PAK1: variants seen among roughly 807,000 people sequenced by gnomAD.
PAK1 encodes p21 (RAC1) activated kinase 1.
A neutral mutation model predicts 67.4 loss-of-function variants in PAK1; 29 were observed. That is an observed-to-expected ratio of 0.43 (90% CI 0.32 to 0.59). The LOEUF (loss-of-function observed/expected upper bound fraction) is 0.59. Among genes scored for constraint, PAK1 ranks in the 20% least tolerant of loss-of-function variants. The pLI, the probability that PAK1 is intolerant of heterozygous loss-of-function variation, is 0.07. For synonymous variants in PAK1, 223 were observed against 237.4 expected (o/e 0.94, Z 0.56); for missense variants, 337 against 670.7 (o/e 0.50, Z 5.50).
the PAK1 span, among the ~76,000 whole-genome samples, chr11:77,527,103 T>C: frequency 6.6e-6 from 1 of 152,140 alleles, no homozygotes; most frequent in African/African-American, 2.4e-5. Flanking sequence ...ATTTATTTTT[T>C]ATTTTCTTTA....
intron 1 of PAK1, among the ~76,000 whole-genome samples, chr11:77,423,116 G>T (rs1955358922): frequency 1.3e-5 from 2 of 151,330 alleles, no homozygotes; most frequent in African/African-American, 4.9e-5. Flanking sequence ...GCATACTAGA[G>T]AATCAAGAAA....
At chr11:77,441,132 G>A (rs1256374903) in intron 1 of PAK1, among the ~76,000 whole-genome samples, 1 of 151,858 alleles carries the variant, frequency 6.6e-6, no homozygotes, top group Non-Finnish European at 1.5e-5. Flanking sequence ...TGTTCCTGAA[G>A]AAGCTTCAAT....
intron 4 of PAK1, among the ~76,000 whole-genome samples, chr11:77,376,271 T>A (rs531493648): frequency 1.3e-5 from 2 of 152,130 alleles, no homozygotes; most frequent in Non-Finnish European, 2.9e-5. Context: ...CACAGAATGA[T>A]GGAACAGAAA....
the PAK1 span, chr11:77,529,932 G>A: frequency 5.2e-5 from 8 of 152,440 alleles, no homozygotes; most frequent in South Asian, 1.2e-3. Context: ...AGTTAGGATG[G>A]CTCTGAAGGA....
intron 5 of PAK1, among the ~76,000 whole-genome samples, chr11:77,368,842 G>A (rs1947983856): frequency 6.6e-6 from 1 of 151,948 alleles, no homozygotes; most frequent in African/African-American, 2.4e-5. Flanking sequence ...TATTACAGGC[G>A]TGAGCCACCG....
chr11:77,429,465 T>C (rs944411437), intron 1 of PAK1, among the ~76,000 whole-genome samples: 1 of 152,178 alleles, frequency 6.6e-6, no homozygotes, highest in Non-Finnish European at 1.5e-5. Context: ...GACACCACCT[T>C]AAGCAAGATG....
chr11:77,509,161 G>C, the PAK1 span, among the ~76,000 whole-genome samples: 5 of 151,682 alleles, frequency 3.3e-5, no homozygotes, highest in Non-Finnish European at 7.4e-5. Flanking sequence ...GGGAGGCTGA[G>C]GCAGGAGAAT....
chr11:77,471,652 G>C lies in PAK1; in HGVS notation c.-22+1900C>G, dbSNP rs558293069. Reference sequence around the variant, plus strand: ...AAGTGAGACTGCAAAGGCAGGCAGTGGTCTGATCCCTGAGAGCTTTTTATT... The same window carrying C: ...AAGTGAGACTGCAAAGGCAGGCAGTCGTCTGATCCCTGAGAGCTTTTTATT... On this transcript the variant is annotated intron_variant, in intron 1 of 14. Transcript: ENST00000356341. Among the ~76,000 whole-genome samples the C allele has an allele frequency of 1.1e-4, 17 of 152,264 alleles. 1 individual carries two copies. The South Asian group carries it at 3.5e-3, about 32-fold the overall frequency.
intron 14 of PAK1, among the ~76,000 whole-genome samples, chr11:77,326,689 A>G (rs1297152277): frequency 6.6e-6 from 1 of 152,142 alleles, no homozygotes; most frequent in Non-Finnish European, 1.5e-5. Flanking sequence ...TGTCTCGAAA[A>G]AACAGAGCAG....
At chr11:77,377,175 T>G (rs1027641675) in intron 4 of PAK1, among the ~76,000 whole-genome samples, 1 of 152,040 alleles carries the variant, frequency 6.6e-6, no homozygotes, top group African/African-American at 2.4e-5. Context: ...CTCAGGAGGC[T>G]GAGGCAGGAG....
intron 1 of PAK1, among the ~76,000 whole-genome samples, chr11:77,449,236 A>G (rs113374594): frequency 0.013 from 1,909 of 152,302 alleles, 22 homozygotes; most frequent in Non-Finnish European, 0.014. Context: ...ACACAATTCA[A>G]TTCAACCTCA....
chr11:77,377,056 G>T (rs1949183657), intron 4 of PAK1, among the ~76,000 whole-genome samples: 1 of 152,088 alleles, frequency 6.6e-6, no homozygotes, highest in Non-Finnish European at 1.5e-5. Context: ...AGGTGAGCAG[G>T]TCACTTGAGG....
intron 1 of PAK1, among the ~76,000 whole-genome samples, chr11:77,414,318 T>C (rs547577408): frequency 6.6e-6 from 1 of 152,362 alleles, no homozygotes; most frequent in South Asian, 2.1e-4. Flanking sequence ...AAGGAGGTGA[T>C]GATTTTATGG....
At position 77,474,072 on chromosome 11, in the gene PAK1, C is replaced by T. The variant is rs554910700; in HGVS notation, c.-542G>A. ...GCAGCCGCGGGAGGGCAGCCTCCCC[C>T]GCCCACAGCCGCGCTATTGTACGCC... is the stretch of plus-strand genomic sequence containing the variant. On this transcript the variant is annotated 5_prime_UTR_variant, in exon 1 of 15. Transcript: ENST00000356341. The T allele has an allele frequency of 1.3e-3, 196 of 152,458 alleles. 1 individual carries two copies. The highest frequency in any genetic ancestry group is 2.4e-3 in the Non-Finnish European group (166 of 68,274). 9.4% of individuals were successfully genotyped at this position (152,458 alleles called of 1,614,324 possible).
the PAK1 span, among the ~76,000 whole-genome samples, chr11:77,498,633 C>CA: frequency 2.0e-5 from 3 of 146,788 alleles, no homozygotes; most frequent in Non-Finnish European, 4.5e-5. Flanking sequence ...ATACATGGTA[C>CA]ATATTTGTTA....
intron 14 of PAK1, among the ~76,000 whole-genome samples, chr11:77,326,978 G>A (rs1244829376): frequency 6.6e-6 from 1 of 152,196 alleles, no homozygotes; most frequent in Non-Finnish European, 1.5e-5. Flanking sequence ...CGAGAGCTAC[G>A]TGACGAATGC....
intron 1 of PAK1, among the ~76,000 whole-genome samples, chr11:77,416,446 G>A (rs1202194087): frequency 6.6e-6 from 1 of 152,066 alleles, no homozygotes; most frequent in African/African-American, 2.4e-5. Flanking sequence ...TTGTCCCACT[G>A]GAAGGTCTTT....
intron 5 of PAK1, among the ~76,000 whole-genome samples, chr11:77,370,670 A>G (rs1948308750): frequency 6.6e-6 from 1 of 152,100 alleles, no homozygotes; most frequent in African/African-American, 2.4e-5. Flanking sequence ...TCCTCACAAC[A>G]GTTGATTTAT....
chr11:77,517,343 T>A, the PAK1 span, among the ~76,000 whole-genome samples: 2 of 152,334 alleles, frequency 1.3e-5, no homozygotes, highest in East Asian at 3.9e-4. Flanking sequence ...AAAGAAATGA[T>A]GTAATCTGAT....
Sources: gnomAD v4.1 joint callset for allele counts (sites outside exome capture counted in the v4.1 genomes callset) on GRCh38, gnomAD v4.1.1 for gene constraint, MANE v1.5 for transcripts, NCBI Gene and HGNC (gene_info 2026-07-23, HGNC 2026-07-21) for gene names.